Variants in PRDM2 observed in about 807,000 individuals in gnomAD.
PRDM2 encodes the protein PR/SET domain 2.
PRDM2 carries 30 observed loss-of-function variants against 130.0 expected under a neutral mutation model. The observed-to-expected ratio is 0.23, with a 90% confidence interval of 0.17 to 0.31. The LOEUF (loss-of-function observed/expected upper bound fraction) is 0.31, where lower values mean the gene tolerates loss of function less well. Ranked by LOEUF, PRDM2 falls within the 10% of genes least tolerant of loss-of-function variation. The pLI is 1.00. For synonymous variants in PRDM2, 871 were observed against 782.4 expected (o/e 1.11, Z -1.89); for missense variants, 2,011 against 2,108.4 (o/e 0.95, Z 0.90).
chr1:13,732,979 T>C, intron 4 of PRDM2, 97 bp downstream of exon 4: 1 of 865,544 alleles, frequency 1.2e-6, no homozygotes, highest in East Asian at 2.9e-5. Context: ...ACAATCATTT[T>C]AATGTGTTCT....
At chr1:13,750,068 G>A (rs1273142204) in intron 6 of PRDM2, among the ~76,000 whole-genome samples, 1 of 152,244 alleles carries the variant, frequency 6.6e-6, no homozygotes, top group Non-Finnish European at 1.5e-5. Flanking sequence ...GGATGCCCAG[G>A]GGGATGTGGA....
At chr1:13,715,234 T>C (rs1186487374) in intron 1 of PRDM2, among the ~76,000 whole-genome samples, 1 of 152,260 alleles carries the variant, frequency 6.6e-6, no homozygotes, top group Non-Finnish European at 1.5e-5. Flanking sequence ...TTTGTATTTC[T>C]ATTAAGAAAG....
intron 6 of PRDM2, among the ~76,000 whole-genome samples, chr1:13,757,281 A>G (rs1474728832): frequency 6.6e-6 from 1 of 152,234 alleles, no homozygotes; most frequent in East Asian, 1.9e-4. Context: ...ATTGTCTTTC[A>G]AGTGTTTTTT....
chr1:13,731,053 T>C lies in PRDM2; in HGVS notation c.63T>C (p.His21=), dbSNP rs1307596539. 4.7e-5 allele frequency: 75 copies of C among 1,610,216 alleles called. No homozygotes were observed. Among genetic ancestry groups the C allele is most frequent in the Non-Finnish European group, 6.3e-5 (74 of 1,179,246 alleles). The change falls in exon 3 of 10, where the codon CAT becomes CAC. Residue 21 remains histidine, a synonymous_variant. Transcript: ENST00000311066. ...ATETLAEVPE[H]VLRGLPEEVR... is the part of the protein sequence containing the mutation. Reference sequence around the variant, plus strand: ...AGACCCTGGCTGAGGTACCCGAACATGTGCTGCGAGGACTTCCGGAGGAAG... The same window carrying C: ...AGACCCTGGCTGAGGTACCCGAACACGTGCTGCGAGGACTTCCGGAGGAAG...
chr1:13,767,049 T>C (rs1644242837), intron 6 of PRDM2, among the ~76,000 whole-genome samples: 1 of 152,190 alleles, frequency 6.6e-6, no homozygotes, highest in African/African-American at 2.4e-5. Context: ...GTAACTCATA[T>C]CCCAGGCATC....
chr1:13,737,052 C>G (rs1213667186), intron 4 of PRDM2, among the ~76,000 whole-genome samples: 1 of 152,218 alleles, frequency 6.6e-6, no homozygotes, highest in East Asian at 1.9e-4. Flanking sequence ...TTCGCTATCT[C>G]AGTTCTTCTG....
chr1:13,823,122 C>G, intron 9 of PRDM2, 37 bp from the exon 10 acceptor site: 1 of 1,582,586 alleles, frequency 6.3e-7, no homozygotes. Flanking sequence ...TGAATGTGTG[C>G]TTACTGTTAT....
rs776196425 is a variant in PRDM2, at chr1:13,779,141, C to T, written c.1346C>T (p.Pro449Leu). Residue 449 changes from proline to leucine, a missense_variant, in exon 8 of 10, where the codon CCC becomes CTC. This residue lies in a region of PRDM2 where 1,288 missense variants were observed against 1,237.7 expected (regional missense o/e 1.04). Transcript: ENST00000311066. The surrounding 1 kb of genome is among the most constrained non-coding windows in gnomAD (Gnocchi z 4.9). ...GCTTCAAAAGATGATTCGAGTCCTC[C>T]CAGTCTTGGGCCAGACTGTCTGATC... ...NVASKDDSSP[P>L]SLGPDCLIMN... 1.4e-5 allele frequency: 22 copies of T among 1,614,056 alleles called. No homozygotes were observed. The highest frequency in any genetic ancestry group is 1.9e-5 in the Non-Finnish European group (22 of 1,180,052).
rs760560043 is a variant in PRDM2 at position 13,749,384 on chromosome 1, C to T, written c.408C>T (p.Leu136=). The part of the protein sequence containing the change: ...TLKPIAPGEE[L]LVWYNGEDNP... ...AGCCAATCGCGCCGGGCGAGGAGCT[C>T]CTGGTCTGGTACAATGGGGAAGACA... Residue 136 remains leucine, a synonymous_variant, in exon 6 of 10, where the codon CTC becomes CTT. Transcript: ENST00000311066. 6.7e-6 allele frequency: 10 copies of T among 1,496,028 alleles called. No homozygotes were observed. Among genetic ancestry groups the T allele is most frequent in the Middle Eastern group, 2.0e-4 (1 of 4,956 alleles). The allele number at this position is 1,496,028 out of a possible 1,614,324, so 92.7% of individuals were successfully genotyped here. A position where few individuals can be genotyped will look rare whatever the true frequency, so the allele number is the denominator to read the frequency against.
At chr1:13,794,638 T>C (rs1265321669) in intron 8 of PRDM2, among the ~76,000 whole-genome samples, 2 of 152,202 alleles carry the variant, frequency 1.3e-5, no homozygotes, top group Non-Finnish European at 2.9e-5. Context: ...AAGACAACTT[T>C]AGAGCAGCCT....
At chr1:13,753,405 C>T (rs1302490378) in intron 6 of PRDM2, among the ~76,000 whole-genome samples, 2 of 152,282 alleles carry the variant, frequency 1.3e-5, no homozygotes, top group African/African-American at 4.8e-5. Flanking sequence ...GACTCTTAGT[C>T]ACCACAGAAC....
intron 1 of PRDM2, among the ~76,000 whole-genome samples, chr1:13,702,829 G>A (rs1280999362): frequency 6.6e-6 from 1 of 152,126 alleles, no homozygotes; most frequent in Non-Finnish European, 1.5e-5. Flanking sequence ...AACCAAAACA[G>A]CGGACTTCTA....
At chr1:13,811,148 C>T (rs1645166704) in intron 8 of PRDM2, among the ~76,000 whole-genome samples, 1 of 151,994 alleles carries the variant, frequency 6.6e-6, no homozygotes, top group Non-Finnish European at 1.5e-5. Context: ...AGCACGACTG[C>T]ACTCCAGCCT....
chr1:13,777,197 G>A (rs878896398), intron 7 of PRDM2, among the ~76,000 whole-genome samples: 1 of 151,984 alleles, frequency 6.6e-6, no homozygotes, highest in Non-Finnish European at 1.5e-5. Context: ...CAGGCATGTT[G>A]TCAACTTCAT....
intron 8 of PRDM2, chr1:13,787,858 C>T: frequency 1.0e-6 from 1 of 983,346 alleles, no homozygotes; most frequent in Non-Finnish European, 1.2e-6. Context: ...AGGGGTTGTC[C>T]ATTGATTTTA....
chr1:13,708,487 T>C (rs1642274058), intron 1 of PRDM2, among the ~76,000 whole-genome samples: 1 of 152,128 alleles, frequency 6.6e-6, no homozygotes, highest in African/African-American at 2.4e-5. Flanking sequence ...ATCTGTTACA[T>C]GGAAACTGTG....
chr1:13,764,539 G>C (rs1391271855), intron 6 of PRDM2, among the ~76,000 whole-genome samples: 1 of 152,200 alleles, frequency 6.6e-6, no homozygotes, highest in East Asian at 1.9e-4. Flanking sequence ...TTCTTAAGAT[G>C]TGGAATTATC....
chr1:13,733,275 AATTTCTATGTTGCTAGG>A (rs561481782), intron 4 of PRDM2, among the ~76,000 whole-genome samples: 222 of 152,346 alleles, frequency 1.5e-3, no homozygotes, highest in African/African-American at 5.0e-3. Context: ...TTTAGAAAGT[AATTTCTATGTTGCTAGG>A]ATATTCAGTT....
Position 13,781,795 on chromosome 1 carries a change from C to A in PRDM2, c.4000C>A (p.Arg1334Ser). Residue 1334 changes from arginine (R) to serine (S), a missense_variant, in exon 8 of 10, where the codon CGC becomes AGC. This residue lies in a region of PRDM2 where 229 missense variants were observed against 364.1 expected (regional missense o/e 0.63). Coordinates refer to ENST00000311066, the MANE Select transcript of PRDM2 (RefSeq NM_001393986.1). This position sits in a 1 kb window ranked among gnomAD's most constrained non-coding sequence, Gnocchi z 6.1. ...TCCACAGACTTTCACTACCGCCATT[C>A]GCTGCACAAAGTGTGGAAAAGGTGT... ...NIPQTFTTAI[R>S]CTKCGKGVDN... 6.2e-7 allele frequency: 1 copy of A among 1,614,154 alleles called. No individual in the cohort carries two copies. Among genetic ancestry groups the A allele is most frequent in the Non-Finnish European group, 8.5e-7 (1 of 1,180,038 alleles).
Sources: allele counts gnomAD v4.1 joint callset (sites outside exome capture counted in the v4.1 genomes callset), GRCh38; gene constraint gnomAD v4.1.1; regional missense constraint gnomAD v4.1.1; non-coding constraint Gnocchi (gnomAD v3.1); transcripts MANE v1.5; gene names NCBI Gene and HGNC (gene_info 2026-07-23, HGNC 2026-07-21).